COL5A2: variants seen among roughly 807,000 people sequenced by gnomAD.
The protein encoded by COL5A2 is collagen type V alpha 2 chain.
A neutral mutation model predicts 208.2 loss-of-function variants in COL5A2; 23 were observed. The ratio of observed to expected loss-of-function variants is 0.11; its 90% confidence interval spans 0.08 to 0.16. The LOEUF (loss-of-function observed/expected upper bound fraction) is 0.16. COL5A2 is among the 10% of genes least tolerant of loss of function. The probability of loss-of-function intolerance (pLI) is 1.00; values close to 1 mark genes in which losing one functional copy is unlikely to be tolerated. For missense variants in COL5A2, 1,590 were observed against 1,956.4 expected (o/e 0.81, Z 3.53); for synonymous variants, 625 against 628.5 (o/e 0.99, Z 0.08).
chr2:189,238,623 TG>T, the COL5A2 span, among the ~76,000 whole-genome samples: 5 of 152,124 alleles, frequency 3.3e-5, no homozygotes, highest in African/African-American at 1.2e-4. Context: ...TCAGCATGGC[TG>T]GGGAAGCCTC....
At chr2:189,290,717 T>TACACAC in the COL5A2 span, among the ~76,000 whole-genome samples, 13,506 of 136,370 alleles carry the variant, frequency 0.099, 734 homozygotes, top group African/African-American at 0.14. Context: ...TTTTTGTTAA[T>TACACAC]ACACACACAC....
At chr2:189,109,699 A>T (rs1687222097) in intron 2 of COL5A2, among the ~76,000 whole-genome samples, 1 of 152,252 alleles carries the variant, frequency 6.6e-6, no homozygotes, top group Non-Finnish European at 1.5e-5. Context: ...ACTTTATATT[A>T]TTTTTTCTCC....
the COL5A2 span, among the ~76,000 whole-genome samples, chr2:189,312,301 C>T: frequency 1.3e-5 from 2 of 152,082 alleles, no homozygotes; most frequent in Admixed American, 6.5e-5. Context: ...GTATCCTTCT[C>T]GTTCTGGATG....
At chr2:189,397,781 T>C in the COL5A2 span, among the ~76,000 whole-genome samples, 1 of 151,966 alleles carries the variant, frequency 6.6e-6, no homozygotes, top group Non-Finnish European at 1.5e-5. Context: ...TTAAAATTTC[T>C]TATAAACTTG....
At chr2:189,386,813 G>C in the COL5A2 span, among the ~76,000 whole-genome samples, 1 of 152,110 alleles carries the variant, frequency 6.6e-6, no homozygotes, top group East Asian at 1.9e-4. Context: ...TTGTTAAAAA[G>C]TCAAAAAAAT....
chr2:189,410,947 A>G, the COL5A2 span, among the ~76,000 whole-genome samples: 1 of 152,246 alleles, frequency 6.6e-6, no homozygotes, highest in South Asian at 2.1e-4. Context: ...TTGCATTTAT[A>G]TTTCCAACTG....
At chr2:189,430,748 T>C in the COL5A2 span, among the ~76,000 whole-genome samples, 1 of 152,216 alleles carries the variant, frequency 6.6e-6, no homozygotes, top group African/African-American at 2.4e-5. Context: ...ACTCCACTTC[T>C]GTGGGCAGGG....
intron 9 of COL5A2, among the ~76,000 whole-genome samples, chr2:189,086,215 G>C (rs532402309): frequency 6.6e-6 from 1 of 152,210 alleles, no homozygotes; most frequent in East Asian, 1.9e-4. Flanking sequence ...ATTATTTCCT[G>C]ATGCCTGTTA....
At chr2:189,199,734 T>G (rs991753331) in intron 1 of COL5A2, among the ~76,000 whole-genome samples, 2 of 152,238 alleles carry the variant, frequency 1.3e-5, no homozygotes, top group African/African-American at 4.8e-5. Flanking sequence ...AAAGTTCTAA[T>G]TTTGTAAAAA....
At chr2:189,328,909 T>C in the COL5A2 span, among the ~76,000 whole-genome samples, 3 of 152,206 alleles carry the variant, frequency 2.0e-5, no homozygotes, top group Non-Finnish European at 2.9e-5. Context: ...AATGTGATGG[T>C]TGAATCTCAT....
the COL5A2 span, among the ~76,000 whole-genome samples, chr2:189,323,004 A>AG: frequency 0.85 from 129,754 of 152,130 alleles, 56,498 homozygotes; most frequent in Non-Finnish European, 0.95. Flanking sequence ...CTGGGATGCA[A>AG]GCTGGTTCAA....
chr2:189,086,023 T>G (rs1408980532), intron 9 of COL5A2, among the ~76,000 whole-genome samples: 1 of 148,742 alleles, frequency 6.7e-6, no homozygotes. Context: ...CCTAGAATAG[T>G]GCTGGCACAG....
chr2:189,433,973 G>T, the COL5A2 span, among the ~76,000 whole-genome samples: 2 of 152,130 alleles, frequency 1.3e-5, no homozygotes, highest in Non-Finnish European at 2.9e-5. Flanking sequence ...ACATCAAAAA[G>T]CTTATCTGCC....
At chr2:189,427,468 GC>G in the COL5A2 span, among the ~76,000 whole-genome samples, 19 of 152,216 alleles carry the variant, frequency 1.2e-4, no homozygotes, top group African/African-American at 4.3e-4. Flanking sequence ...TGGGGTTGGA[GC>G]CCCCACACAG....
rs1685507401 is a variant in COL5A2, at chr2:189,039,292, C to T, written c.3905G>A (p.Cys1302Tyr). The T allele has an allele frequency of 6.2e-7, 1 of 1,613,900 alleles. No individual in the cohort carries two copies. Among genetic ancestry groups the T allele is most frequent in the Non-Finnish European group, 8.5e-7 (1 of 1,179,992 alleles). ...PARTCDDLKL[C>Y]HSAKQSGEYW... ...CTCACCACTCTGCTTTGCGGAATGG[C>T]AAAGCTTTAGGTCATCACACGTGCG... Residue 1302 changes from cysteine (C) to tyrosine (Y), a missense_variant, in exon 51 of 54, where the codon TGC becomes TAC. By Grantham distance (194) the Cys-to-Tyr change is radical (BLOSUM62 -2). Transcript: ENST00000374866.
intron 1 of COL5A2, among the ~76,000 whole-genome samples, chr2:189,133,680 A>T (rs1276955119): frequency 6.6e-6 from 1 of 152,124 alleles, no homozygotes; most frequent in Non-Finnish European, 1.5e-5. Flanking sequence ...TTAGGTGTTC[A>T]TTACTCTGGG....
At chr2:189,168,203 T>C (rs1688506485) in intron 1 of COL5A2, among the ~76,000 whole-genome samples, 1 of 151,250 alleles carries the variant, frequency 6.6e-6, no homozygotes, top group Non-Finnish European at 1.5e-5. Context: ...CCTCCCAAAG[T>C]GCTGGGATTA....
intron 12 of COL5A2, among the ~76,000 whole-genome samples, chr2:189,083,402 A>G (rs575627981): frequency 1.8e-4 from 27 of 152,184 alleles, no homozygotes; most frequent in African/African-American, 6.3e-4. Flanking sequence ...ATGTTAGGAG[A>G]GCTGGAAATC....
At chr2:189,340,850 G>C in the COL5A2 span, among the ~76,000 whole-genome samples, 3 of 152,028 alleles carry the variant, frequency 2.0e-5, no homozygotes, top group East Asian at 1.9e-4. Context: ...AGCAGCACAA[G>C]GATTAATTAA....
Sources: gnomAD v4.1 joint callset for allele counts (sites outside exome capture counted in the v4.1 genomes callset) on GRCh38, gnomAD v4.1.1 for gene constraint, MANE v1.5 for transcripts, NCBI Gene and HGNC (gene_info 2026-07-23, HGNC 2026-07-21) for gene names.